The following IMMP1L variants were observed in gnomAD, a reference collection of about 807,000 sequenced individuals.
The protein encoded by IMMP1L is mitochondrial inner membrane protease subunit 1.
A neutral mutation model predicts 21.8 loss-of-function variants in IMMP1L; 24 were observed. The observed-to-expected ratio is 1.10, with a 90% CI of 0.80 to 1.55. IMMP1L has a LOEUF of 1.55. IMMP1L is among the 40% of genes most tolerant of loss of function. IMMP1L has a pLI of 0.00. For synonymous variants in IMMP1L, 46 were observed against 62.8 expected, an observed-to-expected ratio of 0.73 and a Z score of 1.26; for missense variants, 195 against 200.7, an observed-to-expected ratio of 0.97 and a Z score of 0.17.
intron 1 of IMMP1L, among the ~76,000 whole-genome samples, chr11:31,496,823 T>C (rs1327054124): frequency 6.8e-6 from 1 of 148,116 alleles, no homozygotes; most frequent in Non-Finnish European, 1.5e-5. Flanking sequence ...ATATTATACA[T>C]TATATAATCT....
At chr11:31,473,684 T>G (rs1592001325) in intron 1 of IMMP1L, 2 of 888,494 alleles carry the variant, frequency 2.3e-6, no homozygotes, top group African/African-American at 3.6e-5. Flanking sequence ...CATCCAATTC[T>G]AAGATTCTAA....
chr11:31,494,886 C>T (rs947329480), intron 1 of IMMP1L, among the ~76,000 whole-genome samples: 11 of 152,188 alleles, frequency 7.2e-5, no homozygotes, highest in African/African-American at 1.4e-4. Context: ...CCTCGTGATC[C>T]GCCCACCTTG....
chr11:31,489,082 A>G (rs1955173777), intron 1 of IMMP1L, among the ~76,000 whole-genome samples: 2 of 151,874 alleles, frequency 1.3e-5, no homozygotes, highest in Non-Finnish European at 2.9e-5. Context: ...TATTTTTAGT[A>G]GAGACGGGGT....
intron 1 of IMMP1L, among the ~76,000 whole-genome samples, chr11:31,475,565 T>A (rs890433613): frequency 6.7e-6 from 1 of 149,974 alleles, no homozygotes; most frequent in South Asian, 2.1e-4. Flanking sequence ...ACCTGACTTA[T>A]CATTCTTTCT....
intron 1 of IMMP1L, among the ~76,000 whole-genome samples, chr11:31,503,395 G>A (rs1472260777): frequency 1.3e-5 from 2 of 151,904 alleles, no homozygotes; most frequent in Admixed American, 6.6e-5. Context: ...GGAAATAAAT[G>A]ATAAATAAAT....
chr11:31,508,192 T>A (rs780475082), intron 1 of IMMP1L, among the ~76,000 whole-genome samples: 7 of 152,228 alleles, frequency 4.6e-5, no homozygotes, highest in Non-Finnish European at 7.3e-5. Flanking sequence ...AAGACGTTTC[T>A]ATCTGATATT....
intron 4 of IMMP1L, among the ~76,000 whole-genome samples, chr11:31,438,171 C>A (rs987069848): frequency 2.6e-5 from 4 of 152,138 alleles, no homozygotes; most frequent in Admixed American, 1.3e-4. Flanking sequence ...ATACTCCCAA[C>A]AACCAATGTA....
chr11:31,505,440 A>G (rs191170025), intron 1 of IMMP1L, among the ~76,000 whole-genome samples: 7 of 152,218 alleles, frequency 4.6e-5, no homozygotes, highest in Non-Finnish European at 8.8e-5. Context: ...AAAGAAGTAG[A>G]AGAAGCAGTG....
chr11:31,440,054 G>A (rs1165992475), intron 4 of IMMP1L, among the ~76,000 whole-genome samples: 1 of 152,130 alleles, frequency 6.6e-6, no homozygotes, highest in Non-Finnish European at 1.5e-5. Context: ...TTAGCTCTTT[G>A]CTCCATGGTA....
At position 31,498,200 on chromosome 11, in the gene IMMP1L, T is replaced by A. The variant is rs1342933682; in HGVS notation, c.-30+11319A>T. ...TCTTTAATTTTGACTAATGGAAAAA[T>A]TGTAATACCAAATGACCTTTAATGT... On this transcript the variant is annotated intron_variant, in intron 1 of 5. Coordinates refer to ENST00000532287, the MANE Select transcript of IMMP1L (RefSeq NM_001304274.2). 2.0e-5 allele frequency among the ~76,000 whole-genome samples: 3 copies of A among 152,170 alleles called. No homozygotes were observed. The East Asian group carries it at 5.8e-4, about 29-fold the overall frequency.
chr11:31,478,662 G>A (rs181951494), intron 1 of IMMP1L, among the ~76,000 whole-genome samples: 7 of 152,172 alleles, frequency 4.6e-5, no homozygotes, highest in African/African-American at 1.7e-4. Flanking sequence ...ATAAAATTAG[G>A]TCATAGCCCT....
chr11:31,433,646 C>T (rs1161263355), intron 4 of IMMP1L, 76 bp from the exon 5 acceptor site: 3 of 842,254 alleles, frequency 3.6e-6, no homozygotes, highest in South Asian at 1.6e-5. Context: ...GCATGTCATT[C>T]AGAGGTAGGG....
In IMMP1L at chr11:31,456,328, C is replaced by T. The variant is rs752599044; in HGVS notation, c.253G>A (p.Val85Ile). ...SDPKSNICKR[V>I]IGLEGDKILT... ...ATTTTGTCTCCTTCCAAACCAATTA[C>T]TCTTTTACAAATATTTGATTTTGGA... The change falls in exon 4 of 6, where the codon GTA becomes ATA. Residue 85 changes from valine to isoleucine, a missense_variant. Val to Ile is a conservative substitution (Grantham distance 29). Transcript: ENST00000532287. The T allele has an allele frequency of 1.5e-5, 24 of 1,608,668 alleles. No homozygotes were observed. The highest frequency in any genetic ancestry group is 3.3e-5 in the Admixed American group (2 of 59,968).
chr11:31,467,523 T>G (rs1248377431), intron 1 of IMMP1L, among the ~76,000 whole-genome samples: 1 of 152,130 alleles, frequency 6.6e-6, no homozygotes, highest in African/African-American at 2.4e-5. Flanking sequence ...TACATTAAAT[T>G]TGAGACAACA....
intron 1 of IMMP1L, among the ~76,000 whole-genome samples, chr11:31,495,513 C>T (rs1955401921): frequency 6.6e-6 from 1 of 152,174 alleles, no homozygotes; most frequent in Non-Finnish European, 1.5e-5. Context: ...TTAGTTGACT[C>T]ACAGTTCTGC....
At chr11:31,449,706 C>T (rs1201680438) in intron 4 of IMMP1L, among the ~76,000 whole-genome samples, 2 of 152,120 alleles carry the variant, frequency 1.3e-5, no homozygotes, top group African/African-American at 2.4e-5. Context: ...TACTTATTCA[C>T]CTCCCATCAC....
In IMMP1L at chr11:31,482,450, C is replaced by T. The variant is rs1223095; in HGVS notation, c.-29-19145G>A. ...ATAGAAGAAGAAATAGTTGCAATAC[C>T]CATCATCAATGAAGAACTCATATTT... On this transcript the variant is annotated intron_variant, in intron 1 of 5. Transcript: ENST00000532287. Among the ~76,000 whole-genome samples, 1,376 of 151,780 alleles carry T rather than the reference C, an allele frequency of 9.1e-3. 5 individuals carry two copies. Among genetic ancestry groups the T allele is most frequent in the Non-Finnish European group, 0.013 (905 of 67,844 alleles).
chr11:31,444,649 G>A (rs919250630), intron 4 of IMMP1L, among the ~76,000 whole-genome samples: 1 of 150,070 alleles, frequency 6.7e-6, no homozygotes, highest in African/African-American at 2.5e-5. Context: ...GAGTGCCATG[G>A]CGCGATCTTG....
At chr11:31,443,173 A>G (rs578119177) in intron 4 of IMMP1L, among the ~76,000 whole-genome samples, 10 of 152,310 alleles carry the variant, frequency 6.6e-5, no homozygotes, top group African/African-American at 2.4e-4. Flanking sequence ...TTAAGATCCT[A>G]TGCACACTAT....
Sources: allele counts gnomAD v4.1 joint callset (sites outside exome capture counted in the v4.1 genomes callset), GRCh38; gene constraint gnomAD v4.1.1; transcripts MANE v1.5; gene names NCBI Gene and HGNC (gene_info 2026-07-23, HGNC 2026-07-21).